RABGAP1L: variants seen among roughly 807,000 people sequenced by gnomAD.
RABGAP1L encodes RAB GTPase activating protein 1 like.
Under a neutral mutation model 137.7 loss-of-function variants are expected in RABGAP1L, and 63 were observed. The ratio of observed to expected loss-of-function variants is 0.46; its 90% CI spans 0.37 to 0.56. RABGAP1L has a LOEUF of 0.56. RABGAP1L is among the 20% of genes least tolerant of loss of function. The pLI, the probability that RABGAP1L is intolerant of heterozygous loss-of-function variation, is 0.00. For missense variants in RABGAP1L, 1,095 were observed against 1,244.0 expected (o/e 0.88, Z 1.80); for synonymous variants, 431 against 433.7 (o/e 0.99, Z 0.08).
intron 17 of RABGAP1L, among the ~76,000 whole-genome samples, chr1:174,733,309 C>G (rs774761502): frequency 7.9e-5 from 12 of 152,194 alleles, no homozygotes; most frequent in Non-Finnish European, 1.2e-4. Context: ...ACATCTGCCT[C>G]CCTCTCCAGC....
chr1:174,727,142 T>G (rs332796), intron 17 of RABGAP1L, among the ~76,000 whole-genome samples: 76,392 of 151,990 alleles, frequency 0.5, 21,870 homozygotes, highest in African/African-American at 0.8. Context: ...TCTTAAGGTT[T>G]TTCTGAGGAT....
At chr1:174,681,503 T>C (rs192455760) in intron 14 of RABGAP1L, among the ~76,000 whole-genome samples, 9 of 152,344 alleles carry the variant, frequency 5.9e-5, no homozygotes, top group Admixed American at 2.6e-4. Flanking sequence ...ATGAAATTTT[T>C]TTAAATGAAA....
At chr1:174,612,473 G>A (rs1332431129) in intron 13 of RABGAP1L, among the ~76,000 whole-genome samples, 1 of 152,164 alleles carries the variant, frequency 6.6e-6, no homozygotes, top group African/African-American at 2.4e-5. Context: ...TTTTATTCAG[G>A]ATTTTTGCAT....
At chr1:174,297,263 G>T (rs550016683) in intron 10 of RABGAP1L, among the ~76,000 whole-genome samples, 1 of 152,302 alleles carries the variant, frequency 6.6e-6, no homozygotes, top group East Asian at 1.9e-4. Flanking sequence ...TAAAGACGGG[G>T]TCCTTGTCTG....
chr1:174,863,990 A>G (rs1650764883), intron 19 of RABGAP1L, among the ~76,000 whole-genome samples: 1 of 152,206 alleles, frequency 6.6e-6, no homozygotes, highest in South Asian at 2.1e-4. Flanking sequence ...AGAAAAAAAA[A>G]GTTTTCTAAT....
At chr1:174,616,371 C>G (rs1671867566) in intron 13 of RABGAP1L, among the ~76,000 whole-genome samples, 1 of 152,228 alleles carries the variant, frequency 6.6e-6, no homozygotes, top group South Asian at 2.1e-4. Context: ...TCAAAGCAAA[C>G]ATTTTAAAAC....
intron 17 of RABGAP1L, among the ~76,000 whole-genome samples, chr1:174,734,954 CTTTTTTTT>C (rs756783714): frequency 2.1e-5 from 2 of 96,116 alleles, no homozygotes; most frequent in Admixed American, 1.1e-4. Context: ...GGATCTCTCT[CTTTTTTTT>C]TTTTTTTTTT....
At chr1:174,731,216 C>T (rs1204269587) in intron 17 of RABGAP1L, among the ~76,000 whole-genome samples, 2 of 152,198 alleles carry the variant, frequency 1.3e-5, no homozygotes, top group East Asian at 3.9e-4. Context: ...AAGAGATCTA[C>T]CCGCCTCGGC....
At chr1:174,484,286 A>G (rs1029257275) in intron 13 of RABGAP1L, among the ~76,000 whole-genome samples, 1 of 152,166 alleles carries the variant, frequency 6.6e-6, no homozygotes, top group South Asian at 2.1e-4. Flanking sequence ...TGAGAACCTT[A>G]TAGATTCTGG....
intron 13 of RABGAP1L, among the ~76,000 whole-genome samples, chr1:174,607,365 G>A (rs1670866197): frequency 6.6e-6 from 1 of 152,076 alleles, no homozygotes. Context: ...ACGGGCAGTG[G>A]TCCTGTGGTG....
chr1:174,962,416 C>A (rs1391950661), intron 20 of RABGAP1L, among the ~76,000 whole-genome samples: 1 of 152,088 alleles, frequency 6.6e-6, no homozygotes, highest in Non-Finnish European at 1.5e-5. Context: ...TAACCTCATT[C>A]TTGAGATTAA....
At chr1:174,491,675 G>A (rs530761991) in intron 13 of RABGAP1L, among the ~76,000 whole-genome samples, 1 of 152,242 alleles carries the variant, frequency 6.6e-6, no homozygotes, top group Non-Finnish European at 1.5e-5. Flanking sequence ...AGTCCTTATG[G>A]CCTAGATTGC....
At chr1:174,673,427 A>T (rs1436061863) in intron 14 of RABGAP1L, among the ~76,000 whole-genome samples, 1 of 152,132 alleles carries the variant, frequency 6.6e-6, no homozygotes, top group Admixed American at 6.6e-5. Context: ...AAAGATCTGA[A>T]AGAGTTTACA....
At position 174,586,984 on chromosome 1, in the gene RABGAP1L, T is replaced by G. The variant is rs538390954; in HGVS notation, c.1711-50391T>G. On this transcript the variant is annotated intron_variant, in intron 13 of 25. Coordinates refer to ENST00000681986, the MANE Select transcript of RABGAP1L (RefSeq NM_001366446.1). ...TCATTGTTCAATTCCCACCTATGAG[T>G]GAGAATATGCGGTGTTTGGTTTTTT... Among the ~76,000 whole-genome samples the G allele has an allele frequency of 3.3e-5, 5 of 151,856 alleles. No homozygotes were observed. In the South Asian group the frequency reaches 1.0e-3, roughly 32 times the overall value.
chr1:174,950,356 T>C (rs1667522482), intron 19 of RABGAP1L, among the ~76,000 whole-genome samples: 1 of 152,132 alleles, frequency 6.6e-6, no homozygotes, highest in Admixed American at 6.5e-5. Flanking sequence ...GGGCAAAATA[T>C]CATTGTTTAA....
rs1055146891 is a variant in RABGAP1L, at chr1:174,649,416, C to T, written c.1824+11928C>T. Among the ~76,000 whole-genome samples the T allele has an allele frequency of 3.3e-5, 5 of 151,994 alleles. No individual in the cohort carries two copies. The East Asian group carries it at 5.8e-4, about 18-fold the overall frequency. On this transcript the variant is annotated intron_variant, in intron 14 of 25. Transcript: ENST00000681986. ...GTCTGGTGGTGACAAAATCCCTCGGCGATGGCTTGTCTGTAAAGGATTTTA... is the reference window on the plus strand; with the variant it reads ...GTCTGGTGGTGACAAAATCCCTCGGTGATGGCTTGTCTGTAAAGGATTTTA...
intron 13 of RABGAP1L, among the ~76,000 whole-genome samples, chr1:174,486,661 A>G (rs1659697384): frequency 6.6e-6 from 1 of 151,702 alleles, no homozygotes; most frequent in Non-Finnish European, 1.5e-5. Flanking sequence ...TCTGATCTTT[A>G]TTACATCTTT....
chr1:174,413,972 CCA>C (rs1346256444), intron 13 of RABGAP1L, among the ~76,000 whole-genome samples: 1 of 152,088 alleles, frequency 6.6e-6, no homozygotes, highest in African/African-American at 2.4e-5. Context: ...GCACATCTGC[CCA>C]CACGTCCCCT....
chr1:174,567,584 G>A (rs1019412638), intron 13 of RABGAP1L, among the ~76,000 whole-genome samples: 1 of 152,098 alleles, frequency 6.6e-6, no homozygotes, highest in African/African-American at 2.4e-5. Flanking sequence ...GGATAATTAT[G>A]GTCTAAGTTA....
Sources: gnomAD v4.1 joint callset for allele counts (sites outside exome capture counted in the v4.1 genomes callset) on GRCh38, gnomAD v4.1.1 for gene constraint, MANE v1.5 for transcripts, NCBI Gene and HGNC (gene_info 2026-07-23, HGNC 2026-07-21) for gene names.